The following ARHGEF39 variants were observed in gnomAD, a reference collection of about 807,000 sequenced individuals.
The protein encoded by ARHGEF39 is Rho guanine nucleotide exchange factor 39.
In ARHGEF39, 45 loss-of-function variants were observed where a neutral mutation model predicts 47.5. That is an observed-to-expected ratio of 0.95 (90% CI 0.75 to 1.22). ARHGEF39 has a LOEUF of 1.22. Ranked by LOEUF, ARHGEF39 falls within the 50% of genes most tolerant of loss-of-function variation. The probability of loss-of-function intolerance (pLI) is 0.00; values close to 1 mark genes in which losing one functional copy is unlikely to be tolerated. For synonymous variants in ARHGEF39, 164 were observed against 167.8 expected (o/e 0.98, Z 0.17); for missense variants, 411 against 425.3 (o/e 0.97, Z 0.30).
Position 35,664,851 on chromosome 9 carries a change from C to T in ARHGEF39, c.139-1G>A. On this transcript the variant is annotated splice_acceptor_variant, in intron 1 of 8. Transcript: ENST00000378387. LOFTEE classifies it high-confidence loss of function. The stretch of plus-strand genomic sequence containing the variant: ...TGGCTTTCAGGATCCCCAAAAAGTA[C>T]TGCGGAAGGAGAGAACATTGGTTCT... 1.2e-6 allele frequency: 2 copies of T among 1,608,030 alleles called. No individual in the cohort carries two copies. Among genetic ancestry groups the T allele is most frequent in the Middle Eastern group, 1.6e-4 (1 of 6,062 alleles).
At position 35,665,137 on chromosome 9, in the gene ARHGEF39, C is replaced by A; in HGVS notation, c.33G>T (p.Pro11=). The change falls in exon 1 of 9, where the codon CCG becomes CCT. Residue 11 remains proline, a synonymous_variant. Coordinates refer to ENST00000378387, the MANE Select transcript of ARHGEF39 (RefSeq NM_032818.3). MELSCPGSRC[P]VQEQRARWER... Reference sequence around the variant, plus strand: ...CCCAGCGGGCACGCTGCTCTTGCACCGGGCACCGCGAACCGGGGCAGGAGA... The same window carrying A: ...CCCAGCGGGCACGCTGCTCTTGCACAGGGCACCGCGAACCGGGGCAGGAGA... The A allele has an allele frequency of 6.5e-7, 1 of 1,542,004 alleles. No individual in the cohort carries two copies. Among genetic ancestry groups the A allele is most frequent in the Non-Finnish European group, 8.8e-7 (1 of 1,142,828 alleles).
rs1198799247 is a variant in ARHGEF39, at chr9:35,660,852, G to A, written c.*1135C>T. 1.9e-6 allele frequency: 3 copies of A among 1,614,188 alleles called. No homozygotes were observed. In the South Asian group the frequency reaches 3.3e-5, roughly 18 times the overall value. On this transcript the variant is annotated 3_prime_UTR_variant, in exon 9 of 9. Coordinates refer to ENST00000378387, the MANE Select transcript of ARHGEF39 (RefSeq NM_032818.3). ...GCCGGACAAGGATATGGAGGCTTCA[G>A]AACCAGGTGAAGGCTCGGGAGGCGA...
At chr9:35,662,070 G>T (rs982687996) in intron 8 of ARHGEF39, 68 bp from the exon 9 acceptor site, 3 of 1,608,178 alleles carry the variant, frequency 1.9e-6, no homozygotes, top group East Asian at 4.5e-5. Flanking sequence ...TCATCTGGGG[G>T]TTGGTGGCTG....
rs1823847766 is a variant in ARHGEF39, at chr9:35,660,316, A to G, written c.*1671T>C. 8.5e-7 allele frequency: 1 copy of G among 1,178,068 alleles called. No individual in the cohort carries two copies. Among genetic ancestry groups the G allele is most frequent in the East Asian group, 2.4e-5 (1 of 42,332 alleles). The allele number at this position is 1,178,068 out of a possible 1,614,324, so 73.0% of individuals were successfully genotyped here. A position where few individuals can be genotyped will look rare whatever the true frequency, so the allele number is the denominator to read the frequency against. On this transcript the variant is annotated 3_prime_UTR_variant, in exon 9 of 9. Coordinates refer to ENST00000378387, the MANE Select transcript of ARHGEF39 (RefSeq NM_032818.3). ...AATCACTGTCTCCATCTCAAATTGCACTCTCTCTTGGCTGGCTCTGGAGAC... is the reference window on the plus strand; with the variant it reads ...AATCACTGTCTCCATCTCAAATTGCGCTCTCTCTTGGCTGGCTCTGGAGAC...
intron 7 of ARHGEF39, 112 bp from the exon 8 acceptor site, chr9:35,662,379 G>A: frequency 7.2e-7 from 1 of 1,380,552 alleles, no homozygotes; most frequent in Non-Finnish European, 1.0e-6. Flanking sequence ...TAGGTATGAA[G>A]CCCGAGCCCC....
rs1328625443 is a variant in ARHGEF39 at position 35,663,999 on chromosome 9, T to C, written c.473+9A>G. ...AGAGAGAGGCGGCTGGAATCAAGAGTTCACTCACTGCTGGAGCCGTTGCAG... is the reference window on the plus strand; with the variant it reads ...AGAGAGAGGCGGCTGGAATCAAGAGCTCACTCACTGCTGGAGCCGTTGCAG... On this transcript the variant is annotated intron_variant, in intron 4 of 8. Transcript: ENST00000378387. 1 of 1,611,454 alleles carries C rather than the reference T, an allele frequency of 6.2e-7. No individual in the cohort carries two copies. Among genetic ancestry groups the C allele is most frequent in the Admixed American group, 1.7e-5 (1 of 59,988 alleles).
At position 35,662,738 on chromosome 9, in the gene ARHGEF39, C is replaced by T. The variant is rs777663067; in HGVS notation, c.677G>A (p.Arg226His). The T allele has an allele frequency of 1.4e-5, 22 of 1,557,128 alleles. No homozygotes were observed. The highest frequency in any genetic ancestry group is 1.7e-5 in the Non-Finnish European group (20 of 1,150,364). ...GRQAKGLTSG[R>H]WFLRQGWLLV... Reference sequence around the variant, plus strand: ...CAGCCAGCCCTGGCGTAGGAACCAGCGCCCTGGGGGATGGGAGCGCTGTTA... The same window carrying T: ...CAGCCAGCCCTGGCGTAGGAACCAGTGCCCTGGGGGATGGGAGCGCTGTTA... Residue 226 changes from arginine to histidine, a missense_variant, in exon 7 of 9, where the codon CGC becomes CAC. Arg to His is a conservative substitution (Grantham distance 29). Coordinates refer to ENST00000378387, the MANE Select transcript of ARHGEF39 (RefSeq NM_032818.3).
chr9:35,662,783 T>TA (rs2073903898), intron 6 of ARHGEF39, 42 bp from the exon 7 acceptor site: 1 of 1,532,246 alleles, frequency 6.5e-7, no homozygotes, highest in Non-Finnish European at 8.8e-7. Flanking sequence ...AGCTTCAAGA[T>TA]ACATGGGAAT....
In ARHGEF39 at chr9:35,663,321, C is replaced by T. The variant is rs368241522; in HGVS notation, c.544+1G>A. 33 of 1,613,856 alleles carry T rather than the reference C, an allele frequency of 2.0e-5. No homozygotes were observed. Among genetic ancestry groups the T allele is most frequent in the African/African-American group, 2.7e-5 (2 of 74,920 alleles). On this transcript the variant is annotated splice_donor_variant, in intron 5 of 8. Transcript: ENST00000378387. LOFTEE classifies it high-confidence loss of function. ...TGCGTTGCCGAGGAGCAAGAACCTA[C>T]GTGTGAGCTGTTGATGGTCAGGGCT... is the stretch of plus-strand genomic sequence containing the variant.
chr9:35,661,351 C>T lies in ARHGEF39; in HGVS notation c.*636G>A, dbSNP rs1363155362. 3.7e-6 allele frequency: 2 copies of T among 545,560 alleles called. No homozygotes were observed. The highest frequency in any genetic ancestry group is 6.4e-6 in the Non-Finnish European group (2 of 314,718). The allele number at this position is 545,560 out of a possible 1,614,324, so 33.8% of individuals were successfully genotyped here. The stretch of plus-strand genomic sequence containing the variant: ...GATAGAGGGAGCTCCAGCTCTTTTC[C>T]TCGTATTCCTGAGGCCACCAGCATG... On this transcript the variant is annotated 3_prime_UTR_variant, in exon 9 of 9. Transcript: ENST00000378387.
intron 4 of ARHGEF39, 147 bp from the exon 5 acceptor site, chr9:35,663,539 G>A (rs1425491535): frequency 1.0e-5 from 7 of 689,844 alleles, no homozygotes; most frequent in Non-Finnish European, 1.5e-5. Context: ...TTTCATGTAG[G>A]ACTCAGAACC....
chr9:35,662,833 G>T (rs1048890685), intron 6 of ARHGEF39, 92 bp from the exon 7 acceptor site: 46 of 1,537,470 alleles, frequency 3.0e-5, no homozygotes, highest in Non-Finnish European at 3.8e-5. Context: ...GTTATGTGCT[G>T]GGTCAGTACA....
intron 6 of ARHGEF39, 60 bp from the exon 7 acceptor site, chr9:35,662,801 AAGGG>A: frequency 6.6e-7 from 1 of 1,522,326 alleles, no homozygotes; most frequent in Non-Finnish European, 8.9e-7. Flanking sequence ...AATAAGAGGA[AAGGG>A]AGGCTGAGAA....
In ARHGEF39 at chr9:35,665,141, C is replaced by A. The variant is rs1824169404; in HGVS notation, c.29G>T (p.Cys10Phe). 1.9e-6 allele frequency: 3 copies of A among 1,541,460 alleles called. No homozygotes were observed. The highest frequency in any genetic ancestry group is 2.6e-6 in the Non-Finnish European group (3 of 1,142,416). Residue 10 changes from cysteine (C) to phenylalanine (F), a missense_variant, in exon 1 of 9, where the codon TGC becomes TTC. Physicochemically the swap from Cys to Phe is radical, Grantham distance 205. Coordinates refer to ENST00000378387, the MANE Select transcript of ARHGEF39 (RefSeq NM_032818.3). ...GCGGGCACGCTGCTCTTGCACCGGG[C>A]ACCGCGAACCGGGGCAGGAGAGCTC... MELSCPGSR[C>F]PVQEQRARWE...
In ARHGEF39 at chr9:35,659,600, T is replaced by G. The variant is rs1056754190; in HGVS notation, c.*2387A>C. 6.6e-5 allele frequency: 10 copies of G among 152,226 alleles called. No homozygotes were observed. The highest frequency in any genetic ancestry group is 5.9e-4 in the Admixed American group (9 of 15,282). 9.4% of individuals were successfully genotyped at this position (152,226 alleles called of 1,614,324 possible). ...TTGTATTCTCCTCAGGGCATTGCTT[T>G]AAGAGCACTACGTGTTCAGGAAACA... On this transcript the variant is annotated 3_prime_UTR_variant, in exon 9 of 9. Transcript: ENST00000378387.
chr9:35,662,481 T>A, intron 7 of ARHGEF39, 31 bp downstream of exon 7: 1 of 1,587,512 alleles, frequency 6.3e-7, no homozygotes, highest in Non-Finnish European at 8.6e-7. Flanking sequence ...TGAGACATAT[T>A]TTGGGTCTAG....
chr9:35,662,186 C>A lies in ARHGEF39; in HGVS notation c.985G>T (p.Ala329Ser), dbSNP rs765935230. ...LSRWYHSLTW[A>S]ISSQKN Reference sequence around the variant, plus strand: ...GGGGAAGACACAACTTACCTGATAGCCCAAGTCAGACTGTGGTACCAGCGT... The same window carrying A: ...GGGGAAGACACAACTTACCTGATAGACCAAGTCAGACTGTGGTACCAGCGT... Residue 329 changes from alanine (A) to serine (S), a missense_variant, in exon 8 of 9, where the codon GCT becomes TCT. Physicochemically the swap from Ala to Ser is moderately conservative, Grantham distance 99. Transcript: ENST00000378387. 10 of 1,613,992 alleles carry A rather than the reference C, an allele frequency of 6.2e-6. No homozygotes were observed.
Position 35,660,426 on chromosome 9 carries a change from A to G in ARHGEF39, c.*1561T>C, listed in dbSNP as rs1331572465. Reference sequence around the variant, plus strand: ...GGGAAAGATGAAACTGCGGTTCTCCACGAGGAGGCAAGCAAGCAGCAGCCA... The same window carrying G: ...GGGAAAGATGAAACTGCGGTTCTCCGCGAGGAGGCAAGCAAGCAGCAGCCA... On this transcript the variant is annotated 3_prime_UTR_variant, in exon 9 of 9. Transcript: ENST00000378387. The G allele has an allele frequency of 6.2e-7, 1 of 1,610,774 alleles. No individual in the cohort carries two copies. Among genetic ancestry groups the G allele is most frequent in the Non-Finnish European group, 8.5e-7 (1 of 1,178,494 alleles).
rs781163461 is a variant in ARHGEF39 at position 35,661,175 on chromosome 9, T to G, written c.*812A>C. 7 of 1,597,382 alleles carry G rather than the reference T, an allele frequency of 4.4e-6. No homozygotes were observed. The highest frequency in any genetic ancestry group is 6.0e-6 in the Non-Finnish European group (7 of 1,170,298). Reference sequence around the variant, plus strand: ...CAGCTGAAGGTCGACTAAAACAAAGTCTGTTTTCATGATGGAGTGCTCCTG... The same window carrying G: ...CAGCTGAAGGTCGACTAAAACAAAGGCTGTTTTCATGATGGAGTGCTCCTG... On this transcript the variant is annotated 3_prime_UTR_variant, in exon 9 of 9. Coordinates refer to ENST00000378387, the MANE Select transcript of ARHGEF39 (RefSeq NM_032818.3).
Sources: allele counts gnomAD v4.1 joint callset, GRCh38; gene constraint gnomAD v4.1.1; transcripts MANE v1.5; gene names NCBI Gene and HGNC (gene_info 2026-07-23, HGNC 2026-07-21).